The following SYT9 variants were observed in gnomAD, a reference collection of about 807,000 sequenced individuals.
The protein encoded by SYT9 is synaptotagmin-9.
Under a neutral mutation model 48.4 loss-of-function variants are expected in SYT9, and 22 were observed. The ratio of observed to expected loss-of-function variants is 0.45; its 90% CI spans 0.32 to 0.65. The LOEUF (loss-of-function observed/expected upper bound fraction) is 0.65. Ranked by LOEUF, SYT9 falls within the 30% of genes least tolerant of loss-of-function variation. The pLI is 0.03. For missense variants in SYT9, 577 were observed against 622.0 expected, an observed-to-expected ratio of 0.93 and a Z score of 0.77; for synonymous variants, 265 against 245.0, an observed-to-expected ratio of 1.08 and a Z score of -0.76.
At chr11:7,277,908 G>A (rs556093300) in intron 1 of SYT9, among the ~76,000 whole-genome samples, 62 of 152,310 alleles carry the variant, frequency 4.1e-4, no homozygotes, top group African/African-American at 1.4e-3. Context: ...AATGTAGATG[G>A]CAGAGAAAAT....
chr11:7,335,559 A>G (rs1411403745), intron 3 of SYT9, among the ~76,000 whole-genome samples: 1 of 152,082 alleles, frequency 6.6e-6, no homozygotes, highest in Non-Finnish European at 1.5e-5. Flanking sequence ...AAGTGAGAAC[A>G]TGTGGTATTT....
At chr11:7,463,647 G>A (rs1448349179) in intron 6 of SYT9, among the ~76,000 whole-genome samples, 2 of 152,154 alleles carry the variant, frequency 1.3e-5, no homozygotes, top group Non-Finnish European at 2.9e-5. Context: ...CACGACACCA[G>A]ATGTATTGAA....
chr11:7,417,632 G>A (rs1360217031), intron 4 of SYT9, among the ~76,000 whole-genome samples: 1 of 152,190 alleles, frequency 6.6e-6, no homozygotes, highest in South Asian at 2.1e-4. Context: ...GGAAATGCTG[G>A]TGCATTTCTC....
chr11:7,379,635 G>A (rs1589984405), intron 3 of SYT9, among the ~76,000 whole-genome samples: 2 of 152,092 alleles, frequency 1.3e-5, no homozygotes, highest in East Asian at 3.8e-4. Context: ...TGTGCTGACA[G>A]GAATCTTGTG....
At chr11:7,299,307 C>T (rs1311305296) in intron 1 of SYT9, among the ~76,000 whole-genome samples, 1 of 152,042 alleles carries the variant, frequency 6.6e-6, no homozygotes, top group Non-Finnish European at 1.5e-5. Context: ...TCTAGCACCT[C>T]TTTCTGAAAA....
intron 2 of SYT9, among the ~76,000 whole-genome samples, chr11:7,309,416 A>C (rs980355280): frequency 3.9e-5 from 6 of 152,076 alleles, no homozygotes; most frequent in African/African-American, 1.4e-4. Context: ...TACTCAGAGG[A>C]CTGTCTGCTT....
At chr11:7,462,945 G>C (rs1226696278) in intron 6 of SYT9, among the ~76,000 whole-genome samples, 2 of 152,164 alleles carry the variant, frequency 1.3e-5, no homozygotes, top group Non-Finnish European at 2.9e-5. Flanking sequence ...TGATCGAAAT[G>C]TCACTTCACA....
chr11:7,347,224 T>A (rs532805285), intron 3 of SYT9, among the ~76,000 whole-genome samples: 22 of 137,228 alleles, frequency 1.6e-4, no homozygotes, highest in Non-Finnish European at 3.0e-4. Context: ...TTCAAACCGT[T>A]TTCATCAAAA....
chr11:7,361,957 T>C (rs1320423462), intron 3 of SYT9, among the ~76,000 whole-genome samples: 1 of 152,158 alleles, frequency 6.6e-6, no homozygotes, highest in Non-Finnish European at 1.5e-5. Flanking sequence ...CTTCCTCCAG[T>C]ATCAACTTGG....
chr11:7,386,683 C>G, intron 3 of SYT9, among the ~76,000 whole-genome samples: 1 of 152,124 alleles, frequency 6.6e-6, no homozygotes, highest in Non-Finnish European at 1.5e-5. Flanking sequence ...AATAGGAACA[C>G]TTTTACACTG....
At chr11:7,434,112 C>T (rs532719628) in intron 6 of SYT9, among the ~76,000 whole-genome samples, 2 of 152,320 alleles carry the variant, frequency 1.3e-5, no homozygotes, top group African/African-American at 4.8e-5. Context: ...ACTCCATACA[C>T]AGCAGGACAG....
chr11:7,444,887 C>A (rs1438635044), intron 6 of SYT9, among the ~76,000 whole-genome samples: 2 of 152,212 alleles, frequency 1.3e-5, no homozygotes, highest in Admixed American at 1.3e-4. Context: ...TGCCAAGGAG[C>A]TTCCAGGAGA....
intron 3 of SYT9, among the ~76,000 whole-genome samples, chr11:7,342,959 C>A (rs2133992081): frequency 6.6e-6 from 1 of 152,334 alleles, no homozygotes; most frequent in African/African-American, 2.4e-5. Flanking sequence ...GGATTGCACT[C>A]TTTAAAGCCA....
At chr11:7,453,466 C>G (rs557243115) in intron 6 of SYT9, among the ~76,000 whole-genome samples, 1 of 152,288 alleles carries the variant, frequency 6.6e-6, no homozygotes, top group South Asian at 2.1e-4. Context: ...ATTCCCAACA[C>G]TGGGAATAAG....
chr11:7,440,757 T>C (rs905775231), intron 6 of SYT9: 6 of 152,218 alleles, frequency 3.9e-5, no homozygotes, highest in African/African-American at 1.2e-4. Flanking sequence ...AAACACAGCT[T>C]AAGATACCAG....
intron 3 of SYT9, among the ~76,000 whole-genome samples, chr11:7,389,202 C>T (rs1564886330): frequency 6.6e-6 from 1 of 152,030 alleles, no homozygotes; most frequent in Non-Finnish European, 1.5e-5. Context: ...AATATAACAG[C>T]ATTTCTGGGT....
rs1264412647 is a variant in SYT9 at position 7,387,173 on chromosome 11, G to A, written c.1045-28869G>A. ...TGGGGTGTGGTGGGGGGATAGAAGCGGGGAGGGATAGCATTAGGAGATATA... is the reference window on the plus strand; with the variant it reads ...TGGGGTGTGGTGGGGGGATAGAAGCAGGGAGGGATAGCATTAGGAGATATA... On this transcript the variant is annotated intron_variant, in intron 3 of 6. Transcript: ENST00000318881. Among the ~76,000 whole-genome samples the A allele has an allele frequency of 4.6e-5, 7 of 152,176 alleles. No individual in the cohort carries two copies. The East Asian group carries it at 5.8e-4, about 13-fold the overall frequency.
chr11:7,303,452 A>G (rs1848974623), intron 2 of SYT9, 62 bp downstream of exon 2: 4 of 1,375,278 alleles, frequency 2.9e-6, no homozygotes, highest in Non-Finnish European at 3.9e-6. Context: ...CTCTCTGGCA[A>G]CAATAGCACT....
chr11:7,468,120 C>T lies in SYT9; in HGVS notation c.*1320C>T. On this transcript the variant is annotated 3_prime_UTR_variant, in exon 7 of 7. Coordinates refer to ENST00000318881, the MANE Select transcript of SYT9 (RefSeq NM_175733.4). ...CCATCCACACATTTGCACCACTACTCCAAGATAGTATTTTTCTTTTCACAC... is the reference window on the plus strand; with the variant it reads ...CCATCCACACATTTGCACCACTACTTCAAGATAGTATTTTTCTTTTCACAC... 2.5e-6 allele frequency: 1 copy of T among 395,782 alleles called. No individual in the cohort carries two copies. The highest frequency in any genetic ancestry group is 4.5e-6 in the Non-Finnish European group (1 of 224,506). The allele number at this position is 395,782 out of a possible 1,614,324, so 24.5% of individuals were successfully genotyped here. A position where few individuals can be genotyped will look rare whatever the true frequency, so the allele number is the denominator to read the frequency against.
Sources: gnomAD v4.1 joint callset for allele counts (sites outside exome capture counted in the v4.1 genomes callset) on GRCh38, gnomAD v4.1.1 for gene constraint, MANE v1.5 for transcripts, NCBI Gene and HGNC (gene_info 2026-07-23, HGNC 2026-07-21) for gene names.